Variants in CROCC2 observed in about 807,000 individuals in gnomAD.
The protein encoded by CROCC2 is ciliary rootlet coiled-coil, rootletin family member 2, also known as ciliary rootlet coiled-coil protein 2.
In CROCC2, 163 loss-of-function variants were observed where a neutral mutation model predicts 177.6. The observed-to-expected ratio is 0.92, with a 90% CI of 0.81 to 1.05. CROCC2 has a LOEUF of 1.05. CROCC2 is among the 50% of genes least tolerant of loss of function. The pLI is 0.00. For synonymous variants in CROCC2, 904 were observed against 787.3 expected, an observed-to-expected ratio of 1.15 and a Z score of -2.48; for missense variants, 1,929 against 1,797.8, an observed-to-expected ratio of 1.07 and a Z score of -1.32.
intron 26 of CROCC2, 96 bp from the exon 27 acceptor site, chr2:240,968,033 G>C (rs2059695325): frequency 7.9e-7 from 1 of 1,259,946 alleles, no homozygotes; most frequent in Non-Finnish European, 1.0e-6. Flanking sequence ...ACCTCCACGT[G>C]GGAGCCAGTC....
At chr2:240,938,755 T>C (rs1389954369) in intron 14 of CROCC2, among the ~76,000 whole-genome samples, 1 of 143,012 alleles carries the variant, frequency 7.0e-6, no homozygotes, top group Non-Finnish European at 1.5e-5. Context: ...TGTTTGTAGT[T>C]TTCAATGTAG....
In CROCC2 at chr2:240,933,744, G is replaced by C. The variant is rs1391945016; in HGVS notation, c.1538G>C (p.Gly513Ala). ...KADAADAEKQ[G>A]LEAEAAELQR... is the part of the protein sequence containing the mutation. ...GATGCTGCAGATGCGGAGAAGCAGGGGCTGGAGGCCGAGGCTGCAGAGCTG... is the reference window on the plus strand; with the variant it reads ...GATGCTGCAGATGCGGAGAAGCAGGCGCTGGAGGCCGAGGCTGCAGAGCTG... The change falls in exon 11 of 32, where the codon GGG becomes GCG. Residue 513 changes from glycine to alanine, a missense_variant. Transcript: ENST00000690015. The C allele has an allele frequency of 6.5e-7, 1 of 1,549,970 alleles. No homozygotes were observed. The highest frequency in any genetic ancestry group is 8.7e-7 in the Non-Finnish European group (1 of 1,146,850).
Position 240,917,902 on chromosome 2 carries a change from C to T in CROCC2, c.79-824C>T, listed in dbSNP as rs1378260364. On this transcript the variant is annotated intron_variant, in intron 1 of 31. Transcript: ENST00000690015. This position sits in a 1 kb window ranked among gnomAD's most constrained non-coding sequence, Gnocchi z 4.9. ...TATTTCACCTGGCAGGAGTCCCCTG[C>T]CCTGGGGTCCCGGCCCTCCCCAAGC... 6.6e-6 allele frequency among the ~76,000 whole-genome samples: 1 copy of T among 152,166 alleles called. No homozygotes were observed. The highest frequency in any genetic ancestry group is 1.5e-5 in the Non-Finnish European group (1 of 67,996).
At position 240,960,720 on chromosome 2, in the gene CROCC2, G is replaced by A. The variant is rs901528411; in HGVS notation, c.3087+1276G>A. On this transcript the variant is annotated intron_variant, in intron 20 of 31. Coordinates refer to ENST00000690015, the MANE Select transcript of CROCC2 (RefSeq NM_001351305.2). This position sits in a 1 kb window ranked among gnomAD's most constrained non-coding sequence, Gnocchi z 5.0. The stretch of plus-strand genomic sequence containing the variant: ...CCAGAGGCCGGGCCGGCCGGCAGGG[G>A]AGAGTGAGAAGAGGGGCTCAGCCCT... Among the ~76,000 whole-genome samples the A allele has an allele frequency of 3.3e-5, 5 of 152,168 alleles. No homozygotes were observed. The highest frequency in any genetic ancestry group is 1.2e-4 in the African/African-American group (5 of 41,450).
chr2:240,907,022 G>A (rs532198635), intron 1 of CROCC2, among the ~76,000 whole-genome samples: 72 of 152,094 alleles, frequency 4.7e-4, no homozygotes, highest in African/African-American at 1.6e-3. Context: ...GGTGACTGGC[G>A]TCCCTGGCAG....
chr2:240,932,241 G>T (rs554123778), intron 7 of CROCC2, 77 bp from the exon 8 acceptor site: 10 of 657,356 alleles, frequency 1.5e-5, no homozygotes, highest in Middle Eastern at 5.0e-4. Context: ...AAAGGAGTCC[G>T]GGCAGAGCCA....
At chr2:240,911,343 C>A (rs994322018) in intron 1 of CROCC2, among the ~76,000 whole-genome samples, 2 of 142,970 alleles carry the variant, frequency 1.4e-5, no homozygotes, top group South Asian at 4.5e-4. Context: ...GTCGCCCAGG[C>A]TGGAGTGCAG....
Position 240,918,866 on chromosome 2 carries a change from G to C in CROCC2, c.219G>C (p.Glu73Asp), listed in dbSNP as rs1041608135. Reference protein sequence around the residue: ...REIVAGSLSEEPPQAGVQEPT... With the variant: ...REIVAGSLSEDPPQAGVQEPT... ...TCGTGGCCGGCAGCCTGAGTGAGGA[G>C]CCACCCCAAGGTGATGGTGTGGGGG... The change falls in exon 2 of 32, where the codon GAG becomes GAC. Residue 73 changes from glutamate to aspartate, a missense_variant. This residue lies in a region of CROCC2 where 1,397 missense variants were observed against 1,239.9 expected (regional missense o/e 1.13). Transcript: ENST00000690015. This position sits in a 1 kb window ranked among gnomAD's most constrained non-coding sequence, Gnocchi z 6.3. 1.5e-6 allele frequency: 1 copy of C among 669,948 alleles called. No homozygotes were observed. The highest frequency in any genetic ancestry group is 1.8e-5 in the African/African-American group (1 of 54,270). 41.5% of individuals were successfully genotyped at this position (669,948 alleles called of 1,614,324 possible). A position where few individuals can be genotyped will look rare whatever the true frequency, so the allele number is the denominator to read the frequency against.
At chr2:240,933,023 G>C in intron 9 of CROCC2, 108 bp from the exon 10 acceptor site, 3 of 1,017,648 alleles carry the variant, frequency 2.9e-6, no homozygotes, top group East Asian at 4.9e-5. Flanking sequence ...CCAGGGAGGG[G>C]CCCCAGTGTC....
intron 1 of CROCC2, among the ~76,000 whole-genome samples, chr2:240,912,085 G>A (rs1014421429): frequency 1.3e-5 from 2 of 152,102 alleles, no homozygotes; most frequent in East Asian, 1.9e-4. Context: ...CGTAGTAACC[G>A]CACCGTCTTA....
Position 240,949,495 on chromosome 2 carries a change from A to G in CROCC2, c.2483-38A>G. The G allele has an allele frequency of 1.3e-6, 2 of 1,544,446 alleles. No individual in the cohort carries two copies. The highest frequency in any genetic ancestry group is 3.4e-4 in the Middle Eastern group (2 of 5,960). Reference sequence around the variant, plus strand: ...AGTCCCAAAGGGTTCAGGGGTCCACATGCCAGGCCCTGGTGCATCTCACCC... The same window carrying G: ...AGTCCCAAAGGGTTCAGGGGTCCACGTGCCAGGCCCTGGTGCATCTCACCC... On this transcript the variant is annotated intron_variant, in intron 16 of 31. Transcript: ENST00000690015. This position sits in a 1 kb window ranked among gnomAD's most constrained non-coding sequence, Gnocchi z 4.5.
At chr2:240,922,707 T>C in intron 4 of CROCC2, 62 bp downstream of exon 4, 1 of 517,564 alleles carries the variant, frequency 1.9e-6, no homozygotes, top group Non-Finnish European at 3.5e-6. Flanking sequence ...CGAGAGGCAG[T>C]GGGACCCTCT....
At chr2:240,964,110 G>T (rs2059660542) in intron 21 of CROCC2, 3 of 535,190 alleles carry the variant, frequency 5.6e-6, no homozygotes, top group Admixed American at 3.2e-5. Flanking sequence ...CTCTAGAAAG[G>T]CCCCTGTGGG....
chr2:240,940,583 TAAAAAC>T (rs1163122941), intron 14 of CROCC2, among the ~76,000 whole-genome samples: 1 of 152,002 alleles, frequency 6.6e-6, no homozygotes, highest in African/African-American at 2.4e-5. Context: ...TAAACAGAAT[TAAAAAC>T]AAAAATCACA....
chr2:240,947,547 C>T (rs1286083462), intron 15 of CROCC2, among the ~76,000 whole-genome samples: 3 of 152,216 alleles, frequency 2.0e-5, no homozygotes, highest in South Asian at 4.1e-4. Flanking sequence ...CACGTCTGCC[C>T]GGACACACTC....
intron 1 of CROCC2, among the ~76,000 whole-genome samples, chr2:240,914,112 G>A (rs1196184689): frequency 6.6e-6 from 1 of 152,228 alleles, no homozygotes; most frequent in Admixed American, 6.5e-5. Context: ...CCTTTGCTCA[G>A]GCTGGGAAGG....
intron 14 of CROCC2, among the ~76,000 whole-genome samples, chr2:240,940,516 T>C (rs1159415271): frequency 6.6e-6 from 1 of 152,182 alleles, no homozygotes; most frequent in East Asian, 1.9e-4. Flanking sequence ...GTGGGTTTCA[T>C]ACCAGGGATG....
chr2:240,930,297 C>T (rs1178729672), intron 6 of CROCC2, 28 bp downstream of exon 6: 1 of 493,154 alleles, frequency 2.0e-6, no homozygotes, highest in Non-Finnish European at 3.7e-6. Flanking sequence ...CACCTGGGGC[C>T]AGGCACCAGG....
At chr2:240,957,599 T>C (rs905520024) in intron 19 of CROCC2, 1 of 152,228 alleles carries the variant, frequency 6.6e-6, no homozygotes, top group Non-Finnish European at 1.5e-5. Flanking sequence ...CCCAGGGCAC[T>C]GCGCAGCGGG....
Sources: allele counts gnomAD v4.1 joint callset (sites outside exome capture counted in the v4.1 genomes callset), GRCh38; gene constraint gnomAD v4.1.1; regional missense constraint gnomAD v4.1.1; non-coding constraint Gnocchi (gnomAD v3.1); transcripts MANE v1.5; gene names NCBI Gene and HGNC (gene_info 2026-07-23, HGNC 2026-07-21).